The following PCDH9 variants were observed in gnomAD, a reference collection of about 807,000 sequenced individuals.
PCDH9 encodes protocadherin-9.
In PCDH9, 24 loss-of-function variants were observed where a neutral mutation model predicts 70.6. The observed-to-expected ratio is 0.34, with a 90% confidence interval of 0.25 to 0.48. PCDH9 has a LOEUF of 0.48. Ranked by LOEUF, PCDH9 falls within the 20% of genes least tolerant of loss-of-function variation. PCDH9 has a pLI of 0.99. For synonymous variants in PCDH9, 562 were observed against 558.5 expected, an observed-to-expected ratio of 1.01 and a Z score of -0.09; for missense variants, 1,281 against 1,503.6, an observed-to-expected ratio of 0.85 and a Z score of 2.45.
chr13:66,381,800 G>T (rs1956852856), intron 4 of PCDH9, among the ~76,000 whole-genome samples: 2 of 152,134 alleles, frequency 1.3e-5, no homozygotes, highest in African/African-American at 2.4e-5. Flanking sequence ...AGCATCTTAT[G>T]TATGAGTAGT....
intron 4 of PCDH9, among the ~76,000 whole-genome samples, chr13:66,448,425 T>A (rs1958140559): frequency 6.6e-6 from 1 of 152,178 alleles, no homozygotes; most frequent in Non-Finnish European, 1.5e-5. Flanking sequence ...TTCTTTTCAC[T>A]ACATAGCAAA....
chr13:66,773,852 A>C (rs922281200), intron 3 of PCDH9, among the ~76,000 whole-genome samples: 7 of 150,228 alleles, frequency 4.7e-5, no homozygotes, highest in Non-Finnish European at 1.0e-4. Flanking sequence ...ATCTCAGCTC[A>C]CTGCAACCTC....
Position 66,921,965 on chromosome 13 carries a change from A to C in PCDH9, c.3037-18360T>G, listed in dbSNP as rs548269017. ...ATTTACTGTTCAATTTAAGGTCAAT[A>C]TCACTGCTGAAAGAACAAAAAAAGT... On this transcript the variant is annotated intron_variant, in intron 2 of 4. Coordinates refer to ENST00000377865, the MANE Select transcript of PCDH9 (RefSeq NM_203487.3). Among the ~76,000 whole-genome samples, 22 of 151,522 alleles carry C rather than the reference A, an allele frequency of 1.5e-4. No homozygotes were observed. The East Asian group carries it at 3.7e-3, about 25-fold the overall frequency.
chr13:66,695,251 T>C (rs113536283), intron 3 of PCDH9, among the ~76,000 whole-genome samples: 23 of 152,306 alleles, frequency 1.5e-4, no homozygotes, highest in African/African-American at 5.5e-4. Context: ...AGTTTAAATA[T>C]GGGAGTCAAA....
intron 3 of PCDH9, among the ~76,000 whole-genome samples, chr13:66,837,304 G>A (rs185505655): frequency 2.0e-5 from 3 of 152,126 alleles, no homozygotes; most frequent in African/African-American, 7.2e-5. Flanking sequence ...TTTTCTGAAT[G>A]TTCCACGAGT....
At chr13:66,548,802 T>C (rs1309041741) in intron 4 of PCDH9, among the ~76,000 whole-genome samples, 1 of 152,130 alleles carries the variant, frequency 6.6e-6, no homozygotes, top group East Asian at 1.9e-4. Flanking sequence ...ATGTTTACTT[T>C]TTAAATTTAA....
intron 3 of PCDH9, among the ~76,000 whole-genome samples, chr13:66,853,863 C>A (rs761472027): frequency 1.3e-4 from 19 of 151,850 alleles, no homozygotes; most frequent in Non-Finnish European, 2.6e-4. Flanking sequence ...GCACATGCCA[C>A]CACACCCAGC....
At chr13:67,034,349 T>A (rs576701814) in intron 2 of PCDH9, among the ~76,000 whole-genome samples, 1 of 152,316 alleles carries the variant, frequency 6.6e-6, no homozygotes, top group Non-Finnish European at 1.5e-5. Flanking sequence ...TATTATACAT[T>A]ATTTAATGTT....
intron 2 of PCDH9, among the ~76,000 whole-genome samples, chr13:67,043,774 A>G (rs1377131353): frequency 6.6e-6 from 1 of 152,148 alleles, no homozygotes; most frequent in African/African-American, 2.4e-5. Context: ...TCAGAAATTT[A>G]CTAACTTTTG....
At chr13:66,759,457 TTAAA>T (rs1167258150) in intron 3 of PCDH9, among the ~76,000 whole-genome samples, 1 of 152,136 alleles carries the variant, frequency 6.6e-6, no homozygotes, top group African/African-American at 2.4e-5. Flanking sequence ...TTTGTTTTGA[TTAAA>T]TAATTTAATC....
rs557283292 is a variant in PCDH9, at chr13:67,230,120, A to G, written c.-476T>C. On this transcript the variant is annotated 5_prime_UTR_variant, in exon 1 of 5. Transcript: ENST00000377865. ...TGCATACCATTTCCATCCGATGCCA[A>G]TACTGCTTAAGTCTCTAACTTCTTG... is the stretch of plus-strand genomic sequence containing the variant. 6.6e-6 allele frequency: 1 copy of G among 152,328 alleles called. No homozygotes were observed. The highest frequency in any genetic ancestry group is 6.5e-5 in the Admixed American group (1 of 15,296). 9.4% of individuals were successfully genotyped at this position (152,328 alleles called of 1,614,324 possible). A position where few individuals can be genotyped will look rare whatever the true frequency, so the allele number is the denominator to read the frequency against.
At chr13:66,646,195 A>C (rs2077768738) in intron 3 of PCDH9, among the ~76,000 whole-genome samples, 1 of 152,230 alleles carries the variant, frequency 6.6e-6, no homozygotes, top group Non-Finnish European at 1.5e-5. Flanking sequence ...TAAATACATT[A>C]ACATAAACAG....
At chr13:67,048,328 T>G (rs1594439581) in intron 2 of PCDH9, among the ~76,000 whole-genome samples, 1 of 152,122 alleles carries the variant, frequency 6.6e-6, no homozygotes, top group African/African-American at 2.4e-5. Context: ...AACACTGCAT[T>G]TTTCCAGGAA....
intron 3 of PCDH9, among the ~76,000 whole-genome samples, chr13:66,810,919 A>G (rs1004490796): frequency 6.6e-6 from 1 of 152,010 alleles, no homozygotes; most frequent in African/African-American, 2.4e-5. Context: ...CTGAAAAAAT[A>G]CAAAATTCCC....
intron 2 of PCDH9, among the ~76,000 whole-genome samples, chr13:67,086,632 G>T (rs2086113303): frequency 6.6e-6 from 1 of 152,164 alleles, no homozygotes; most frequent in Non-Finnish European, 1.5e-5. Flanking sequence ...CTGAGCTGAT[G>T]CTACTGTTGT....
intron 4 of PCDH9, among the ~76,000 whole-genome samples, chr13:66,568,823 T>C (rs1161831430): frequency 6.6e-6 from 1 of 151,454 alleles, no homozygotes; most frequent in African/African-American, 2.4e-5. Context: ...AAAAGAGATA[T>C]AATTTGGGAA....
rs997714410 is a variant in PCDH9, at chr13:66,911,642, C to T, written c.3037-8037G>A. On this transcript the variant is annotated intron_variant, in intron 2 of 4. Coordinates refer to ENST00000377865, the MANE Select transcript of PCDH9 (RefSeq NM_203487.3). ...TAATGGTCTACACTTTACAATTTTT[C>T]CATTGGTTCCCTCCTTATATTATTA... is the stretch of plus-strand genomic sequence containing the variant. Among the ~76,000 whole-genome samples, 3 of 152,128 alleles carry T rather than the reference C, an allele frequency of 2.0e-5. No individual in the cohort carries two copies. In the South Asian group the frequency reaches 6.2e-4, roughly 31 times the overall value.
intron 3 of PCDH9, among the ~76,000 whole-genome samples, chr13:66,716,506 A>T (rs1206041262): frequency 1.3e-5 from 2 of 152,132 alleles, no homozygotes; most frequent in Non-Finnish European, 2.9e-5. Context: ...GGTGGGTATT[A>T]ATCTAATGTT....
At chr13:66,706,303 T>C (rs992541982) in intron 3 of PCDH9, among the ~76,000 whole-genome samples, 12 of 152,222 alleles carry the variant, frequency 7.9e-5, no homozygotes, top group Admixed American at 1.3e-4. Context: ...TCATAAACTA[T>C]GTTTGCAAAA....
Sources: allele counts gnomAD v4.1 joint callset (sites outside exome capture counted in the v4.1 genomes callset), GRCh38; gene constraint gnomAD v4.1.1; transcripts MANE v1.5; gene names NCBI Gene and HGNC (gene_info 2026-07-23, HGNC 2026-07-21).